The following MFF variants were observed in gnomAD, a reference collection of about 807,000 sequenced individuals.
MFF encodes mitochondrial fission factor.
In MFF, 12 loss-of-function variants were observed where a neutral mutation model predicts 36.9. The observed-to-expected ratio is 0.33, with a 90% CI of 0.21 to 0.53. MFF has a LOEUF of 0.53. MFF is among the 20% of genes least tolerant of loss of function. MFF has a pLI of 0.95. For synonymous variants in MFF, 99 were observed against 126.2 expected (o/e 0.78, Z 1.44); for missense variants, 348 against 366.6 (o/e 0.95, Z 0.42).
In MFF at chr2:227,327,429, GA is replaced by G. The variant is rs59422659; in HGVS notation, c.-152-1241del. ...AGAAATGCCACAGTCTAACGAGGGAGAAAAAAAATCAGATTTTGATTGGTTT... is the reference window on the plus strand; with the variant it reads ...AGAAATGCCACAGTCTAACGAGGGAGAAAAAAATCAGATTTTGATTGGTTT... On this transcript the variant is annotated intron_variant, in intron 1 of 8. Coordinates refer to ENST00000304593, the MANE Select transcript of MFF (RefSeq NM_001277062.2). Among the ~76,000 whole-genome samples, 765 of 151,996 alleles carry G rather than the reference GA, an allele frequency of 5.0e-3. 4 individuals carry two copies. Among genetic ancestry groups the G allele is most frequent in the African/African-American group, 0.018 (727 of 41,434 alleles).
chr2:227,343,949 G>A (rs755376159), intron 5 of MFF, among the ~76,000 whole-genome samples: 7 of 152,014 alleles, frequency 4.6e-5, no homozygotes, highest in Admixed American at 1.3e-4. Context: ...CACCATGCCC[G>A]GCTAACTTTT....
In MFF at chr2:227,355,722, T is replaced by A; in HGVS notation, c.705T>A (p.Asp235Glu). Residue 235 changes from aspartate to glutamate, a missense_variant, in exon 8 of 9, where the codon GAT (aspartate) becomes GAA (glutamate). Physicochemically the swap from Asp to Glu is conservative, Grantham distance 45 (BLOSUM62 2). Transcript: ENST00000304593. ...NIDTTIEGTSDDLTVVDAASL... is the reference protein window; with the variant it reads ...NIDTTIEGTSEDLTVVDAASL... ...ATACAACCATTGAAGGAACGTCAGA[T>A]GACCTGACTGTTGTAGATGCAGCTT... is the stretch of plus-strand genomic sequence containing the variant. The A allele has an allele frequency of 6.2e-7, 1 of 1,612,268 alleles. No individual in the cohort carries two copies. Among genetic ancestry groups the A allele is most frequent in the Non-Finnish European group, 8.5e-7 (1 of 1,178,436 alleles).
At chr2:227,354,886 C>A (rs1415408149) in intron 7 of MFF, among the ~76,000 whole-genome samples, 2 of 152,122 alleles carry the variant, frequency 1.3e-5, no homozygotes, top group African/African-American at 4.8e-5. Flanking sequence ...ATAGGCCAGG[C>A]GTGGTTGCTC....
At chr2:227,356,842 T>G in intron 8 of MFF, 144 bp from the exon 9 acceptor site, 1 of 664,170 alleles carries the variant, frequency 1.5e-6, no homozygotes, top group Non-Finnish European at 2.5e-6. Flanking sequence ...GTAGTTGTGT[T>G]TATTTTGCTC....
chr2:227,328,235 G>A (rs1184985797), intron 1 of MFF, among the ~76,000 whole-genome samples: 1 of 148,518 alleles, frequency 6.7e-6, no homozygotes, highest in Non-Finnish European at 1.5e-5. Flanking sequence ...GCTGGGTGTG[G>A]TGGCATATGC....
chr2:227,330,098 G>A (rs1289828650), intron 2 of MFF: 2 of 216,878 alleles, frequency 9.2e-6, no homozygotes, highest in Non-Finnish European at 1.8e-5. Flanking sequence ...GATTTTCAGG[G>A]AGTTGCATCT....
At chr2:227,331,744 A>T (rs554359813) in intron 3 of MFF, among the ~76,000 whole-genome samples, 67 of 152,260 alleles carry the variant, frequency 4.4e-4, no homozygotes, top group Admixed American at 1.2e-3. Context: ...CTGATTATTA[A>T]TAATTTTGAA....
At chr2:227,339,185 G>C (rs2075242699) in intron 4 of MFF, among the ~76,000 whole-genome samples, 1 of 146,664 alleles carries the variant, frequency 6.8e-6, no homozygotes, top group African/African-American at 2.5e-5. Context: ...CTGGATGACA[G>C]AGCAAGATCC....
At chr2:227,348,427 T>C (rs1187621550) in intron 6 of MFF, among the ~76,000 whole-genome samples, 1 of 152,114 alleles carries the variant, frequency 6.6e-6, no homozygotes, top group African/African-American at 2.4e-5. Context: ...GCTATGCATT[T>C]GGGCCCAAGG....
At chr2:227,349,151 T>G (rs1244596718) in intron 6 of MFF, among the ~76,000 whole-genome samples, 1 of 152,106 alleles carries the variant, frequency 6.6e-6, no homozygotes, top group Non-Finnish European at 1.5e-5. Context: ...AGAGTCACAG[T>G]ACATTAAAAT....
chr2:227,329,398 A>C, intron 2 of MFF: 1 of 247,236 alleles, frequency 4.0e-6, no homozygotes, highest in Non-Finnish European at 7.8e-6. Flanking sequence ...CAAAATCATA[A>C]GACAGTGACT....
intron 5 of MFF, among the ~76,000 whole-genome samples, chr2:227,344,325 C>T (rs2075586663): frequency 6.6e-6 from 1 of 151,962 alleles, no homozygotes; most frequent in Non-Finnish European, 1.5e-5. Context: ...CTTCTCAGTG[C>T]CTTTGCAGTA....
At chr2:227,329,395 A>G (rs944763688) in intron 2 of MFF, 9 of 247,314 alleles carry the variant, frequency 3.6e-5, no homozygotes, top group East Asian at 1.6e-4. Context: ...TTGCAAAATC[A>G]TAAGACAGTG....
intron 5 of MFF, 114 bp from the exon 6 acceptor site, chr2:227,347,096 TGTGGGGAGAGTGAAGG>T (rs1306322606): frequency 1.2e-5 from 8 of 688,204 alleles, no homozygotes; most frequent in Non-Finnish European, 2.0e-5. Context: ...ACTGTTTTCT[TGTGGGGAGAGTGAAGG>T]GTGGGAAAGG....
chr2:227,336,377 G>A (rs2075004920), intron 4 of MFF, among the ~76,000 whole-genome samples: 1 of 152,216 alleles, frequency 6.6e-6, no homozygotes, highest in African/African-American at 2.4e-5. Context: ...CTTCAAAGAG[G>A]AGAAATACGA....
intron 5 of MFF, among the ~76,000 whole-genome samples, chr2:227,343,368 A>G (rs2075520929): frequency 6.6e-6 from 1 of 152,196 alleles, no homozygotes. Flanking sequence ...CTCATGGAGC[A>G]CAACGTTTTG....
intron 1 of MFF, 109 bp downstream of exon 1, chr2:227,325,536 C>T (rs962075539): frequency 3.5e-5 from 4 of 114,484 alleles, no homozygotes; most frequent in African/African-American, 9.6e-5. Context: ...TGGCCCCGGC[C>T]CCCCCGGTAG....
chr2:227,339,827 A>G (rs2075286406), intron 4 of MFF, among the ~76,000 whole-genome samples: 2 of 152,196 alleles, frequency 1.3e-5, no homozygotes, highest in Non-Finnish European at 2.9e-5. Context: ...AGCTAGATAC[A>G]TTTTTAGTCT....
chr2:227,334,736 C>G (rs1207748391), intron 4 of MFF, among the ~76,000 whole-genome samples: 1 of 152,116 alleles, frequency 6.6e-6, no homozygotes, highest in East Asian at 1.9e-4. Flanking sequence ...TACAAGATGC[C>G]ATTACCGTCT....
Sources: allele counts gnomAD v4.1 joint callset (sites outside exome capture counted in the v4.1 genomes callset), GRCh38; gene constraint gnomAD v4.1.1; transcripts MANE v1.5; gene names NCBI Gene and HGNC (gene_info 2026-07-23, HGNC 2026-07-21).